Variants in GFOD1 observed in about 807,000 individuals in gnomAD.
The protein encoded by GFOD1 is glucose-fructose oxidoreductase domain-containing protein 1.
A neutral mutation model predicts 25.4 loss-of-function variants in GFOD1; 9 were observed. That is an observed-to-expected ratio of 0.35 (90% CI 0.21 to 0.62). GFOD1 has a LOEUF of 0.62. GFOD1 is among the 20% of genes least tolerant of loss of function. The pLI, the probability that GFOD1 is intolerant of heterozygous loss-of-function variation, is 0.72. For missense variants in GFOD1, 403 were observed against 556.9 expected, an observed-to-expected ratio of 0.72 and a Z score of 2.78; for synonymous variants, 253 against 245.6, an observed-to-expected ratio of 1.03 and a Z score of -0.28.
chr6:13,391,550 C>CCAAGG (rs1785613073), intron 1 of GFOD1, among the ~76,000 whole-genome samples: 1 of 149,510 alleles, frequency 6.7e-6, no homozygotes, highest in Admixed American at 6.7e-5. Flanking sequence ...AAGAAATTGG[C>CCAAGG]CAAGGAAAAT....
chr6:13,397,932 T>A (rs1785767077), intron 1 of GFOD1, among the ~76,000 whole-genome samples: 1 of 152,220 alleles, frequency 6.6e-6, no homozygotes, highest in African/African-American at 2.4e-5. Context: ...ATGGGCCACA[T>A]CCCCAGATAC....
rs370030246 is a variant in GFOD1, at chr6:13,470,934, T to C, written c.253+15704A>G. Among the ~76,000 whole-genome samples the C allele has an allele frequency of 2.8e-4, 43 of 152,154 alleles. 1 individual carries two copies. Among genetic ancestry groups the C allele is most frequent in the East Asian group, 2.1e-3 (11 of 5,182 alleles). ...GATTGCTCACACAGATGGATGTGGCTTTCACAACATTAATGGGACTCGAAA... is the reference window on the plus strand; with the variant it reads ...GATTGCTCACACAGATGGATGTGGCCTTCACAACATTAATGGGACTCGAAA... On this transcript the variant is annotated intron_variant, in intron 1 of 1. Transcript: ENST00000379287.
intron 1 of GFOD1, among the ~76,000 whole-genome samples, chr6:13,449,777 C>T (rs1203702339): frequency 6.6e-6 from 1 of 152,162 alleles, no homozygotes; most frequent in Non-Finnish European, 1.5e-5. Context: ...GACTGTGAGG[C>T]CTCCCCAGCC....
At position 13,407,319 on chromosome 6, in the gene GFOD1, C is replaced by A. The variant is rs536258540; in HGVS notation, c.254-41657G>T. 2.6e-4 allele frequency among the ~76,000 whole-genome samples: 39 copies of A among 152,274 alleles called. 1 individual carries two copies. Among genetic ancestry groups the A allele is most frequent in the Admixed American group, 2.4e-3 (37 of 15,302 alleles). On this transcript the variant is annotated intron_variant, in intron 1 of 1. Coordinates refer to ENST00000379287, the MANE Select transcript of GFOD1 (RefSeq NM_018988.4). ...AGGAGGATACCCTTAAAATAGATGACCCCACCATTTGGCTTTCACATTGAA... is the reference window on the plus strand; with the variant it reads ...AGGAGGATACCCTTAAAATAGATGAACCCACCATTTGGCTTTCACATTGAA...
At chr6:13,381,111 T>C (rs752184777) in intron 1 of GFOD1, among the ~76,000 whole-genome samples, 13 of 152,034 alleles carry the variant, frequency 8.6e-5, no homozygotes, top group Non-Finnish European at 1.3e-4. Context: ...CTCCTGGGGG[T>C]GGAGAGCAGT....
intron 1 of GFOD1, among the ~76,000 whole-genome samples, chr6:13,455,833 G>T (rs1375946438): frequency 6.6e-6 from 1 of 152,196 alleles, no homozygotes; most frequent in Non-Finnish European, 1.5e-5. Flanking sequence ...TCATTACCCG[G>T]AGCATCCTCA....
intron 1 of GFOD1, among the ~76,000 whole-genome samples, chr6:13,441,808 T>C (rs937221667): frequency 1.3e-5 from 2 of 152,222 alleles, no homozygotes; most frequent in Non-Finnish European, 2.9e-5. Context: ...GATAGATAGA[T>C]AGATACATAT....
At chr6:13,367,552 CTG>C (rs1293992633) in intron 1 of GFOD1, among the ~76,000 whole-genome samples, 3 of 152,208 alleles carry the variant, frequency 2.0e-5, no homozygotes, top group East Asian at 1.9e-4. Flanking sequence ...TATGTGATGA[CTG>C]TGATGTGTGT....
chr6:13,375,534 T>C (rs1243791269), intron 1 of GFOD1, among the ~76,000 whole-genome samples: 1 of 152,214 alleles, frequency 6.6e-6, no homozygotes, highest in Non-Finnish European at 1.5e-5. Context: ...GAGTGACTCA[T>C]ATTCAGCTCC....
At chr6:13,378,467 G>A (rs1785297582) in intron 1 of GFOD1, among the ~76,000 whole-genome samples, 1 of 152,270 alleles carries the variant, frequency 6.6e-6, no homozygotes, top group African/African-American at 2.4e-5. Flanking sequence ...TGACATGGGA[G>A]AACACAGTGG....
intron 1 of GFOD1, among the ~76,000 whole-genome samples, chr6:13,382,356 G>T (rs533581577): frequency 3.3e-5 from 5 of 151,254 alleles, no homozygotes; most frequent in Non-Finnish European, 7.4e-5. Flanking sequence ...ATGGGGGGGG[G>T]GGTTCTTTTC....
chr6:13,478,072 A>C (rs1562231744), intron 1 of GFOD1, among the ~76,000 whole-genome samples: 2 of 151,810 alleles, frequency 1.3e-5, no homozygotes, highest in African/African-American at 4.8e-5. Flanking sequence ...TCAAAAAAAA[A>C]AAAAACAAAA....
rs2127553252 is a variant in GFOD1 at position 13,360,192 on chromosome 6, ACT to A, written c.*4549_*4550del. The A allele has an allele frequency of 6.3e-6, 1 of 157,548 alleles. No homozygotes were observed. Among genetic ancestry groups the A allele is most frequent in the Non-Finnish European group, 1.4e-5 (1 of 71,398 alleles). 9.8% of individuals were successfully genotyped at this position (157,548 alleles called of 1,614,324 possible). A position where few individuals can be genotyped will look rare whatever the true frequency, so the allele number is the denominator to read the frequency against. On this transcript the variant is annotated 3_prime_UTR_variant, in exon 2 of 2. Coordinates refer to ENST00000379287, the MANE Select transcript of GFOD1 (RefSeq NM_018988.4). ...AAAGATGTGGGTGGCCTTGACCATCACTCTCTGTTATGTAAAACAAAAGGACG... is the reference window on the plus strand; with the variant it reads ...AAAGATGTGGGTGGCCTTGACCATCACTCTGTTATGTAAAACAAAAGGACG...
chr6:13,409,922 C>CA (rs757548005), intron 1 of GFOD1, among the ~76,000 whole-genome samples: 26,285 of 71,344 alleles, frequency 0.37, 2,950 homozygotes, highest in East Asian at 0.5. Flanking sequence ...GGCTCCATTT[C>CA]AAAAAAAAAA....
At chr6:13,408,955 T>C (rs1785996590) in intron 1 of GFOD1, among the ~76,000 whole-genome samples, 1 of 151,670 alleles carries the variant, frequency 6.6e-6, no homozygotes, top group African/African-American at 2.4e-5. Flanking sequence ...TATGGTGGCA[T>C]GTGCCTGTAA....
intron 1 of GFOD1, among the ~76,000 whole-genome samples, chr6:13,439,531 T>C (rs1010927896): frequency 1.1e-4 from 17 of 152,244 alleles, no homozygotes; most frequent in African/African-American, 4.1e-4. Flanking sequence ...GCTCATCTTG[T>C]AACCCAGCTA....
Position 13,374,267 on chromosome 6 carries a change from TTTTTTTTGTG to T in GFOD1, c.254-8615_254-8606del, listed in dbSNP as rs1355933766. Among the ~76,000 whole-genome samples, 28 of 133,932 alleles carry T rather than the reference TTTTTTTTGTG, an allele frequency of 2.1e-4. 1 individual carries two copies. The highest frequency in any genetic ancestry group is 5.4e-4 in the African/African-American group (18 of 33,038). 87.9% of individuals were successfully genotyped at this position (133,932 alleles called of 152,430 possible). A position where few individuals can be genotyped will look rare whatever the true frequency, so the allele number is the denominator to read the frequency against. On this transcript the variant is annotated intron_variant, in intron 1 of 1. Transcript: ENST00000379287. ...AGCCTAGTCTTTTTAAAAATATGTTTTTTTTTTGTGTGTGTGTGTGTGTGTGTGTGTGTGT... is the reference window on the plus strand; with the variant it reads ...AGCCTAGTCTTTTTAAAAATATGTTTTGTGTGTGTGTGTGTGTGTGTGTGT...
At chr6:13,443,062 T>C (rs1057513311) in intron 1 of GFOD1, among the ~76,000 whole-genome samples, 3 of 152,162 alleles carry the variant, frequency 2.0e-5, no homozygotes, top group Admixed American at 6.5e-5. Context: ...AATATCAACA[T>C]TGACAGGAGT....
intron 1 of GFOD1, among the ~76,000 whole-genome samples, chr6:13,420,488 C>T (rs954407208): frequency 5.3e-5 from 8 of 152,256 alleles, no homozygotes; most frequent in Admixed American, 1.3e-4. Context: ...GAATTAGGAG[C>T]GGAAGAGAAA....
Sources: gnomAD v4.1 joint callset for allele counts (sites outside exome capture counted in the v4.1 genomes callset) on GRCh38, gnomAD v4.1.1 for gene constraint, MANE v1.5 for transcripts, NCBI Gene and HGNC (gene_info 2026-07-23, HGNC 2026-07-21) for gene names.